The following ERO1B variants were observed in gnomAD, a reference collection of about 807,000 sequenced individuals.
ERO1B encodes ERO1-like protein beta.
A neutral mutation model predicts 75.3 loss-of-function variants in ERO1B; 49 were observed. The observed-to-expected ratio is 0.65, with a 90% CI of 0.52 to 0.83. The LOEUF (loss-of-function observed/expected upper bound fraction) is 0.83. ERO1B is among the 40% of genes least tolerant of loss of function. The pLI, the probability that ERO1B is intolerant of heterozygous loss-of-function variation, is 0.00. For missense variants in ERO1B, 512 were observed against 560.1 expected, an observed-to-expected ratio of 0.91 and a Z score of 0.87; for synonymous variants, 191 against 192.9, an observed-to-expected ratio of 0.99 and a Z score of 0.08.
intron 10 of ERO1B, among the ~76,000 whole-genome samples, chr1:236,227,683 G>C (rs1664311341): frequency 6.6e-6 from 1 of 152,014 alleles, no homozygotes. Flanking sequence ...ATATGATGGG[G>C]GAAATTTTTT....
In ERO1B at chr1:236,243,445, C is replaced by T. The variant is rs148942336; in HGVS notation, c.482G>A (p.Arg161Gln). 6.2e-6 allele frequency: 10 copies of T among 1,603,658 alleles called. No individual in the cohort carries two copies. The highest frequency in any genetic ancestry group is 1.8e-4 in the Middle Eastern group (1 of 5,556). ...FIDWARYDDS[R>Q]DHFCELDDER... is the part of the protein sequence containing the mutation. ...ACCATCAAGTTCACAAAAGTGATCC[C>T]GTGAATCATCATATCTTGCCCAGTC... The change falls in exon 6 of 16, where the codon CGG (arginine) becomes CAG (glutamine). Residue 161 changes from arginine (R) to glutamine (Q), a missense_variant. By Grantham distance (43) the Arg-to-Gln change is conservative. Coordinates refer to ENST00000354619, the MANE Select transcript of ERO1B (RefSeq NM_019891.4).
chr1:236,235,215 T>C (rs1293707831), intron 8 of ERO1B, among the ~76,000 whole-genome samples: 1 of 152,196 alleles, frequency 6.6e-6, no homozygotes, highest in East Asian at 1.9e-4. Context: ...TTTTTCCTAC[T>C]GAAAGTGTGG....
At chr1:236,221,771 T>TTTAA (rs2102937731) in intron 14 of ERO1B, 153 bp downstream of exon 14, 1 of 614,820 alleles carries the variant, frequency 1.6e-6, no homozygotes, top group East Asian at 2.9e-5. Flanking sequence ...ACACATATAC[T>TTTAA]TTAATTTTTT....
intron 6 of ERO1B, among the ~76,000 whole-genome samples, chr1:236,241,938 G>A (rs1664715331): frequency 1.3e-5 from 2 of 151,478 alleles, no homozygotes; most frequent in Admixed American, 1.3e-4. Context: ...CGTGGTGGTG[G>A]GCACCTGTAG....
At position 236,216,635 on chromosome 1, in the gene ERO1B, A is replaced by G. The variant is rs912391252; in HGVS notation, c.*1881T>C. ...ATCACAGTACAGAAAAAAACAATAA[A>G]TGGACATGAGCGAGGATTTTCTCCA... is the stretch of plus-strand genomic sequence containing the variant. On this transcript the variant is annotated 3_prime_UTR_variant, in exon 16 of 16. Transcript: ENST00000354619. 2.0e-5 allele frequency: 3 copies of G among 152,076 alleles called. No homozygotes were observed. The highest frequency in any genetic ancestry group is 2.1e-4 in the South Asian group (1 of 4,828). The allele number at this position is 152,076 out of a possible 1,614,324, so 9.4% of individuals were successfully genotyped here. A position where few individuals can be genotyped will look rare whatever the true frequency, so the allele number is the denominator to read the frequency against.
At chr1:236,272,047 CA>C (rs1163785539) in intron 1 of ERO1B, among the ~76,000 whole-genome samples, 1 of 151,634 alleles carries the variant, frequency 6.6e-6, no homozygotes, top group Non-Finnish European at 1.5e-5. Flanking sequence ...AAAAGTAAAA[CA>C]AAAAAACAGA....
chr1:236,268,712 C>A (rs1247581242), intron 2 of ERO1B, among the ~76,000 whole-genome samples: 2 of 151,312 alleles, frequency 1.3e-5, no homozygotes, highest in Non-Finnish European at 2.9e-5. Context: ...TGGTGAAACC[C>A]CGTCTCTACT....
intron 9 of ERO1B, 144 bp downstream of exon 9, chr1:236,232,684 T>G (rs1664437395): frequency 1.8e-6 from 1 of 548,446 alleles, no homozygotes; most frequent in East Asian, 3.4e-5. Flanking sequence ...ATAATCTTTT[T>G]TTTTTTGGTC....
intron 2 of ERO1B, among the ~76,000 whole-genome samples, chr1:236,260,034 T>A (rs1665257974): frequency 6.6e-6 from 1 of 152,198 alleles, no homozygotes. Flanking sequence ...AAGTATCTTA[T>A]GTGACCACAC....
intron 1 of ERO1B, chr1:236,281,458 T>C: frequency 2.6e-6 from 1 of 385,540 alleles, no homozygotes; most frequent in Non-Finnish European, 4.6e-6. Flanking sequence ...CTCTTTTGAC[T>C]GCCATTACCC....
intron 5 of ERO1B, among the ~76,000 whole-genome samples, chr1:236,245,325 C>T (rs12042115): frequency 0.66 from 10,310 of 15,654 alleles, 4,101 homozygotes; most frequent in East Asian, 0.88. Context: ...TATATATACA[C>T]ACACGTATAT....
Position 236,232,703 on chromosome 1 carries a change from TTAG to T in ERO1B, c.685+122_685+124del, listed in dbSNP as rs1664438448. Reference sequence around the variant, plus strand: ...TCTTTTTTTTTTTGGTCACCATTCATTAGTAGCTATTTTCTTAGAAAACAGGAA... The same window carrying T: ...TCTTTTTTTTTTTGGTCACCATTCATTAGCTATTTTCTTAGAAAACAGGAA... On this transcript the variant is annotated intron_variant, in intron 9 of 15. Coordinates refer to ENST00000354619, the MANE Select transcript of ERO1B (RefSeq NM_019891.4). 4.5e-6 allele frequency: 3 copies of T among 659,996 alleles called. No homozygotes were observed. In the African/African-American group the frequency reaches 5.6e-5, roughly 12 times the overall value. The allele number at this position is 659,996 out of a possible 1,614,324, so 40.9% of individuals were successfully genotyped here.
At chr1:236,239,861 A>ATATATG (rs1664648141) in intron 6 of ERO1B, among the ~76,000 whole-genome samples, 420 of 27,124 alleles carry the variant, frequency 0.015, 4 homozygotes, top group African/African-American at 0.087. Context: ...GTATATATGT[A>ATATATG]TATATATATG....
intron 10 of ERO1B, among the ~76,000 whole-genome samples, chr1:236,229,388 G>A (rs1664348427): frequency 6.6e-6 from 1 of 150,744 alleles, no homozygotes; most frequent in African/African-American, 2.4e-5. Context: ...TGGCGCCACT[G>A]CACTCCAGCC....
intron 1 of ERO1B, among the ~76,000 whole-genome samples, chr1:236,279,504 C>CAAGAAAAAAAAA (rs1665776856): frequency 1.3e-5 from 1 of 78,540 alleles, no homozygotes; most frequent in Non-Finnish European, 2.4e-5. Context: ...GACTCCATCT[C>CAAGAAAAAAAAA]AAAAAAAAAA....
In ERO1B at chr1:236,281,594, G is replaced by GGCCCTGCCCT. The variant is rs1553375817; in HGVS notation, c.102+87_102+88insAGGGCAGGGC. 1.9e-5 allele frequency: 19 copies of GGCCCTGCCCT among 1,007,436 alleles called. No individual in the cohort carries two copies. In the Middle Eastern group the frequency reaches 1.0e-3, roughly 55 times the overall value. 62.4% of individuals were successfully genotyped at this position (1,007,436 alleles called of 1,614,324 possible). A position where few individuals can be genotyped will look rare whatever the true frequency, so the allele number is the denominator to read the frequency against. On this transcript the variant is annotated intron_variant, in intron 1 of 15. Coordinates refer to ENST00000354619, the MANE Select transcript of ERO1B (RefSeq NM_019891.4). The stretch of plus-strand genomic sequence containing the variant: ...CCTCTTTTCTGGCCCGGCCCTGCCC[G>GGCCCTGCCCT]GCCCTCCCCGCGTCACAGCCGCGGC...
chr1:236,281,194 G>A (rs950147935), intron 1 of ERO1B, among the ~76,000 whole-genome samples: 28 of 152,160 alleles, frequency 1.8e-4, no homozygotes, highest in Admixed American at 1.7e-3. Flanking sequence ...CCGACAGTTC[G>A]AGTGAAGTCT....
Position 236,226,479 on chromosome 1 carries a change from T to G in ERO1B, c.842A>C (p.Lys281Thr). The G allele has an allele frequency of 4.3e-6, 7 of 1,614,094 alleles. No homozygotes were observed. The highest frequency in any genetic ancestry group is 5.9e-6 in the Non-Finnish European group (7 of 1,180,018). Reference sequence around the variant, plus strand: ...AGGGTCAAAGCGGTGTTTGAATTCTTTAATATTAGGTCCCCAACTGGGCTT... The same window carrying G: ...AGGGTCAAAGCGGTGTTTGAATTCTGTAATATTAGGTCCCCAACTGGGCTT... ...WGKPSWGPNIKEFKHRFDPVE... is the reference protein window; with the variant it reads ...WGKPSWGPNITEFKHRFDPVE... Residue 281 changes from lysine (K) to threonine (T), a missense_variant, in exon 12 of 16, where the codon AAA (lysine) becomes ACA (threonine). Transcript: ENST00000354619.
chr1:236,276,098 GAAC>G (rs1245249613), intron 1 of ERO1B, among the ~76,000 whole-genome samples: 3 of 152,236 alleles, frequency 2.0e-5, no homozygotes, highest in East Asian at 1.9e-4. Flanking sequence ...CCATGTTTAA[GAAC>G]AACAGGCAGG....
Sources: gnomAD v4.1 joint callset for allele counts (sites outside exome capture counted in the v4.1 genomes callset) on GRCh38, gnomAD v4.1.1 for gene constraint, MANE v1.5 for transcripts, NCBI Gene and HGNC (gene_info 2026-07-23, HGNC 2026-07-21) for gene names.